Variants in SLC25A26 observed in about 807,000 individuals in gnomAD.
SLC25A26 encodes mitochondrial S-adenosylmethionine carrier protein.
SLC25A26 carries 36 observed loss-of-function variants against 37.8 expected under a neutral mutation model. That is an observed-to-expected ratio of 0.95 (90% CI 0.73 to 1.26). The LOEUF (loss-of-function observed/expected upper bound fraction) is 1.26. Among genes scored for constraint, SLC25A26 ranks in the 50% most tolerant of loss-of-function variants. The probability of loss-of-function intolerance (pLI) is 0.00; values close to 1 mark genes in which losing one functional copy is unlikely to be tolerated. For missense variants in SLC25A26, 390 were observed against 331.1 expected, an observed-to-expected ratio of 1.18 and a Z score of -1.38; for synonymous variants, 129 against 122.5, an observed-to-expected ratio of 1.05 and a Z score of -0.35.
chr3:66,183,600 C>A (rs2070759010), intron 1 of SLC25A26, among the ~76,000 whole-genome samples: 1 of 151,988 alleles, frequency 6.6e-6, no homozygotes. Context: ...CTGAATCTGA[C>A]CTTAATCCTC....
intron 2 of SLC25A26, among the ~76,000 whole-genome samples, chr3:66,237,244 A>T (rs1202598117): frequency 6.6e-6 from 1 of 152,240 alleles, no homozygotes; most frequent in East Asian, 1.9e-4. Flanking sequence ...TGTTGTTAAA[A>T]TTTCCAACTA....
At chr3:66,370,502 CG>C (rs1700288630) in intron 8 of SLC25A26, 26 bp from the exon 9 acceptor site, 4 of 1,592,376 alleles carry the variant, frequency 2.5e-6, no homozygotes, top group Non-Finnish European at 3.4e-6. Flanking sequence ...CAGAAGATAA[CG>C]GGTTTCTCTT....
At chr3:66,345,498 C>T (rs1364268909) in intron 5 of SLC25A26, among the ~76,000 whole-genome samples, 2 of 149,678 alleles carry the variant, frequency 1.3e-5, no homozygotes, top group East Asian at 4.0e-4. Flanking sequence ...CTCTCTGCCC[C>T]CCTACCCTCT....
chr3:66,133,938 A>G lies in SLC25A26; in HGVS notation c.-400A>G, dbSNP rs537922511. The G allele has an allele frequency of 8.1e-4, 124 of 152,312 alleles. 2 individuals are homozygous for G. Among genetic ancestry groups the G allele is most frequent in the African/African-American group, 2.9e-3 (122 of 41,572 alleles). 9.4% of individuals were successfully genotyped at this position (152,312 alleles called of 1,614,324 possible). On this transcript the variant is annotated 5_prime_UTR_variant, in exon 1 of 11. Transcript: ENST00000676754. The stretch of plus-strand genomic sequence containing the variant: ...AAGATGGAATGAAAATGCGTACTAC[A>G]TACAGATCATGAAAAGACGCAAAGA...
chr3:66,207,509 G>C (rs2071196837), intron 1 of SLC25A26, among the ~76,000 whole-genome samples: 1 of 152,150 alleles, frequency 6.6e-6, no homozygotes, highest in East Asian at 1.9e-4. Context: ...TTCAGCCCAG[G>C]CCTGATTGAT....
upstream of SLC25A26, chr3:66,220,596 T>C (rs541204236): frequency 2.2e-4 from 34 of 156,844 alleles, no homozygotes; most frequent in Middle Eastern, 3.2e-3. Context: ...TAATTTAATA[T>C]AAACTCAGAT....
chr3:66,161,136 G>A (rs1469470440), intron 1 of SLC25A26, among the ~76,000 whole-genome samples: 3 of 150,290 alleles, frequency 2.0e-5, no homozygotes, highest in African/African-American at 7.4e-5. Flanking sequence ...GGATAGAAAA[G>A]GATTCAATTT....
chr3:66,224,532 T>C (rs782587124), intron 1 of SLC25A26, among the ~76,000 whole-genome samples: 4 of 152,132 alleles, frequency 2.6e-5, no homozygotes, highest in Non-Finnish European at 4.4e-5. Context: ...CCACAACACA[T>C]TGGAATTATG....
intron 5 of SLC25A26, among the ~76,000 whole-genome samples, chr3:66,341,951 G>T (rs1473681737): frequency 6.6e-6 from 1 of 151,760 alleles, no homozygotes; most frequent in African/African-American, 2.4e-5. Flanking sequence ...TATCACTATG[G>T]GACAAGGAAT....
At chr3:66,338,524 C>T (rs1296315434) in intron 5 of SLC25A26, among the ~76,000 whole-genome samples, 2 of 151,904 alleles carry the variant, frequency 1.3e-5, no homozygotes, top group African/African-American at 4.8e-5. Flanking sequence ...ATTTTTATAT[C>T]GTGGTAAAAT....
At chr3:66,190,061 C>T (rs996570168) in intron 1 of SLC25A26, among the ~76,000 whole-genome samples, 7 of 152,208 alleles carry the variant, frequency 4.6e-5, no homozygotes, top group Non-Finnish European at 8.8e-5. Context: ...CCTGGAATCC[C>T]GGCACTTTGG....
intron 6 of SLC25A26, among the ~76,000 whole-genome samples, chr3:66,357,670 A>G (rs2076607024): frequency 1.3e-5 from 2 of 152,210 alleles, no homozygotes; most frequent in South Asian, 4.1e-4. Context: ...TTACTTATTT[A>G]GGTTGAGAAA....
intron 3 of SLC25A26, among the ~76,000 whole-genome samples, chr3:66,248,586 A>G (rs2107166901): frequency 6.6e-6 from 1 of 152,326 alleles, no homozygotes; most frequent in Non-Finnish European, 1.5e-5. Flanking sequence ...AATGAAAAAA[A>G]CATTGAAATT....
Position 66,237,395 on chromosome 3 carries a change from C to T in SLC25A26, c.190+695C>T, listed in dbSNP as rs543027366. On this transcript the variant is annotated intron_variant, in intron 2 of 9. Transcript: ENST00000354883. ...CTAGAAGTTTAATTGGTCTAGGCTT[C>T]GCCTGGGTATTAGGAGTTTTAATAA... Among the ~76,000 whole-genome samples the T allele has an allele frequency of 5.3e-5, 8 of 152,342 alleles. No homozygotes were observed. In the South Asian group the frequency reaches 1.2e-3, roughly 24 times the overall value.
chr3:66,311,525 G>C (rs1046613839), intron 5 of SLC25A26, among the ~76,000 whole-genome samples: 1 of 151,904 alleles, frequency 6.6e-6, no homozygotes, highest in Admixed American at 6.6e-5. Context: ...GCCCAGTTTT[G>C]TTCCCTTGCT....
rs560536374 is a variant in SLC25A26, at chr3:66,223,592, A to C, written c.33+2465A>C. ...TGGTTTTGCTTACTACTCTTTTACC[A>C]GTACCTGGCACTAGGTAAGCACTCA... is the stretch of plus-strand genomic sequence containing the variant. On this transcript the variant is annotated intron_variant, in intron 1 of 9. Transcript: ENST00000354883. 2.6e-5 allele frequency among the ~76,000 whole-genome samples: 4 copies of C among 152,330 alleles called. No homozygotes were observed. In the South Asian group the frequency reaches 8.3e-4, roughly 32 times the overall value.
intron 7 of SLC25A26, among the ~76,000 whole-genome samples, chr3:66,366,194 A>T (rs953627345): frequency 6.6e-6 from 1 of 152,258 alleles, no homozygotes; most frequent in Non-Finnish European, 1.5e-5. Context: ...TGCTTTGAAC[A>T]CAAAAGCAGC....
intron 2 of SLC25A26, among the ~76,000 whole-genome samples, chr3:66,237,955 C>A (rs1001836542): frequency 6.6e-6 from 1 of 152,164 alleles, no homozygotes; most frequent in Admixed American, 6.5e-5. Context: ...AACAGTATTT[C>A]TGTTTCTTTT....
chr3:66,374,015 C>T (rs2107862781), intron 9 of SLC25A26, among the ~76,000 whole-genome samples: 2 of 152,218 alleles, frequency 1.3e-5, no homozygotes, highest in South Asian at 4.1e-4. Flanking sequence ...GAGGCTTTTC[C>T]TGTATCTTAA....
Sources: gnomAD v4.1 joint callset for allele counts (sites outside exome capture counted in the v4.1 genomes callset) on GRCh38, gnomAD v4.1.1 for gene constraint, MANE v1.5 for transcripts, NCBI Gene and HGNC (gene_info 2026-07-23, HGNC 2026-07-21) for gene names.